The following ZC3H7A variants were observed in gnomAD, a reference collection of about 807,000 sequenced individuals.
ZC3H7A encodes the protein zinc finger CCCH-type containing 7A, also known as zinc finger CCCH domain-containing protein 7A.
A neutral mutation model predicts 125.5 loss-of-function variants in ZC3H7A; 44 were observed. The ratio of observed to expected loss-of-function variants is 0.35; its 90% CI spans 0.28 to 0.45. The LOEUF (loss-of-function observed/expected upper bound fraction) is 0.45, where lower values mean the gene tolerates loss of function less well. ZC3H7A is among the 20% of genes least tolerant of loss of function. The pLI is 1.00. For missense variants in ZC3H7A, 977 were observed against 1,170.7 expected (o/e 0.83, Z 2.41); for synonymous variants, 399 against 391.2 (o/e 1.02, Z -0.23).
chr16:11,771,685 G>C (rs1357063929), intron 9 of ZC3H7A, among the ~76,000 whole-genome samples: 1 of 151,788 alleles, frequency 6.6e-6, no homozygotes, highest in African/African-American at 2.4e-5. Context: ...ATTTTTAGTA[G>C]AGATGGGGTT....
Position 11,776,379 on chromosome 16 carries a change from T to C in ZC3H7A, c.547-21A>G, listed in dbSNP as rs376272601. The C allele has an allele frequency of 2.5e-5, 41 of 1,608,654 alleles. No individual in the cohort carries two copies. In the African/African-American group the frequency reaches 5.1e-4, roughly 20 times the overall value. ...GAGAGCTGAAATAAAATAAAGACAC[T>C]AATTTAAAAACAGAACTGACTCCAA... On this transcript the variant is annotated intron_variant, in intron 6 of 22. Transcript: ENST00000355758.
chr16:11,751,504 T>C lies in ZC3H7A; in HGVS notation c.2729A>G (p.Tyr910Cys), dbSNP rs2052552473. The change falls in exon 23 of 23, where the codon TAT (tyrosine) becomes TGT (cysteine). Residue 910 changes from tyrosine (Y) to cysteine (C), a missense_variant and splice_region_variant. This residue lies in a region of ZC3H7A where 436 missense variants were observed against 603.2 expected (regional missense o/e 0.72). Coordinates refer to ENST00000355758, the MANE Select transcript of ZC3H7A (RefSeq NM_014153.4). ...PTGYFSICDR[Y>C]MNGTCPEGNS... ...TCCTTCTGGGCAGGTGCCATTCATA[T>C]ACCTGTAAGGAGAAGTCAGCTGCTC... The C allele has an allele frequency of 6.2e-7, 1 of 1,613,484 alleles. No individual in the cohort carries two copies. Among genetic ancestry groups the C allele is most frequent in the Non-Finnish European group, 8.5e-7 (1 of 1,179,866 alleles).
intron 22 of ZC3H7A, 115 bp from the exon 23 acceptor site, chr16:11,751,621 A>G: frequency 3.9e-6 from 4 of 1,019,390 alleles, no homozygotes; most frequent in African/African-American, 1.6e-5. Flanking sequence ...ACTTTTAGTT[A>G]GGAATCTCAA....
At chr16:11,781,927 A>C (rs1441855887) in intron 2 of ZC3H7A, among the ~76,000 whole-genome samples, 1 of 152,110 alleles carries the variant, frequency 6.6e-6, no homozygotes, top group Non-Finnish European at 1.5e-5. Context: ...AGTCCAATTA[A>C]ACACTGAGCT....
chr16:11,769,710 C>CAAAAAAAAAAAAAAAAAAAAAAAA (rs529124830), intron 10 of ZC3H7A, among the ~76,000 whole-genome samples: 15 of 32,548 alleles, frequency 4.6e-4, no homozygotes, highest in Non-Finnish European at 6.2e-4. Context: ...GACTCTGTCT[C>CAAAAAAAAAAAAAAAAAAAAAAAA]AAAAAAAAAA....
At chr16:11,779,870 T>C (rs1299681898) in intron 3 of ZC3H7A, among the ~76,000 whole-genome samples, 1 of 100,478 alleles carries the variant, frequency 1.0e-5, no homozygotes, top group African/African-American at 6.5e-5. Flanking sequence ...TCGTTTTGTG[T>C]TTATTTATTT....
Position 11,762,702 on chromosome 16 carries a change from T to C in ZC3H7A, c.2048A>G (p.Gln683Arg). The C allele has an allele frequency of 1.1e-5, 17 of 1,614,094 alleles. No homozygotes were observed. Among genetic ancestry groups the C allele is most frequent in the Non-Finnish European group, 1.4e-5 (17 of 1,180,020 alleles). The change falls in exon 17 of 23, where the codon CAG (glutamine) becomes CGG (arginine). Residue 683 changes from glutamine (Q) to arginine (R), a missense_variant. By Grantham distance (43) the Gln-to-Arg change is conservative. This residue lies in a region of ZC3H7A where 436 missense variants were observed against 603.2 expected (regional missense o/e 0.72). Transcript: ENST00000355758. ...TCCAGGTACATTTGCTTCCAAATTC[T>C]GCCAATATCGTTTAGACTCTTGAGC... ...AIAQESKRYW[Q>R]NLEANVPGAQ...
At chr16:11,790,003 C>G (rs183663791) in intron 1 of ZC3H7A, among the ~76,000 whole-genome samples, 1 of 148,336 alleles carries the variant, frequency 6.7e-6, no homozygotes, top group Admixed American at 6.9e-5. Context: ...ATAGCTAGAA[C>G]CCGGGAGGTG....
In ZC3H7A at chr16:11,767,580, T is replaced by A; in HGVS notation, c.1361-2A>T. Reference sequence around the variant, plus strand: ...AAGTGAAATCCATTAACTTAGGGCCTGAAAAAGATGTAAAGAGGATTGCTT... The same window carrying A: ...AAGTGAAATCCATTAACTTAGGGCCAGAAAAAGATGTAAAGAGGATTGCTT... On this transcript the variant is annotated splice_acceptor_variant, in intron 12 of 22. Transcript: ENST00000355758. LOFTEE classifies it high-confidence loss of function. The A allele has an allele frequency of 6.4e-7, 1 of 1,554,172 alleles. No homozygotes were observed. The highest frequency in any genetic ancestry group is 8.7e-7 in the Non-Finnish European group (1 of 1,153,920).
At chr16:11,762,336 A>G (rs1398856648) in intron 17 of ZC3H7A, among the ~76,000 whole-genome samples, 1 of 152,184 alleles carries the variant, frequency 6.6e-6, no homozygotes, top group Non-Finnish European at 1.5e-5. Context: ...AGAGCAATGG[A>G]AAAACGAGAC....
intron 20 of ZC3H7A, among the ~76,000 whole-genome samples, chr16:11,757,096 C>A (rs2052662613): frequency 6.6e-6 from 1 of 152,142 alleles, no homozygotes; most frequent in South Asian, 2.1e-4. Context: ...GCATCCCTGG[C>A]CTCTGCCCAC....
intron 3 of ZC3H7A, among the ~76,000 whole-genome samples, chr16:11,780,313 G>C (rs955389664): frequency 6.6e-6 from 1 of 151,840 alleles, no homozygotes; most frequent in Non-Finnish European, 1.5e-5. Flanking sequence ...TAGAGACAGG[G>C]TTTCGCCATG....
chr16:11,777,548 C>A (rs143965198), intron 4 of ZC3H7A, among the ~76,000 whole-genome samples: 1 of 151,836 alleles, frequency 6.6e-6, no homozygotes, highest in Non-Finnish European at 1.5e-5. Flanking sequence ...TGGTAAAAAC[C>A]CCATCTCTAC....
At chr16:11,766,097 T>TG (rs1289703816) in intron 13 of ZC3H7A, among the ~76,000 whole-genome samples, 1 of 145,520 alleles carries the variant, frequency 6.9e-6, no homozygotes, top group East Asian at 2.1e-4. Flanking sequence ...ACACCTCAGC[T>TG]GAAAAAAAAA....
chr16:11,768,451 T>A lies in ZC3H7A; in HGVS notation c.1224A>T (p.Ser408=). The change falls in exon 12 of 23, where the codon TCA becomes TCT. Residue 408 remains serine (S), a synonymous_variant. Coordinates refer to ENST00000355758, the MANE Select transcript of ZC3H7A (RefSeq NM_014153.4). ...TTCCAAAGTCATTTCTAGGCTGACT[T>A]GAAATTCCCAGGAAATTCTCTGAAG... The part of the protein sequence containing the change: ...LFASENFLGI[S]SQPRNDFGNF... 6.5e-7 allele frequency: 1 copy of A among 1,538,098 alleles called. No homozygotes were observed. The highest frequency in any genetic ancestry group is 8.8e-7 in the Non-Finnish European group (1 of 1,132,724).
At chr16:11,756,500 T>C (rs570125682) in intron 20 of ZC3H7A, 130 bp from the exon 21 acceptor site, 10 of 1,180,304 alleles carry the variant, frequency 8.5e-6, no homozygotes, top group Middle Eastern at 3.0e-4. Context: ...GAGACTATTA[T>C]ATTAGACATG....
chr16:11,787,806 C>T (rs1596404764), intron 1 of ZC3H7A, among the ~76,000 whole-genome samples: 5 of 151,974 alleles, frequency 3.3e-5, no homozygotes, highest in Admixed American at 3.3e-4. Context: ...ATTAGCCGGG[C>T]ATGGTGGCAG....
chr16:11,793,758 A>G (rs939466062), intron 1 of ZC3H7A, among the ~76,000 whole-genome samples: 1 of 152,240 alleles, frequency 6.6e-6, no homozygotes, highest in Non-Finnish European at 1.5e-5. Context: ...CTGCAAACCC[A>G]GATGATAAGA....
chr16:11,795,678 C>T (rs987779580), intron 1 of ZC3H7A, among the ~76,000 whole-genome samples: 1 of 152,170 alleles, frequency 6.6e-6, no homozygotes, highest in Non-Finnish European at 1.5e-5. Flanking sequence ...CTCAGGTGAT[C>T]CACACACCTC....
Sources: gnomAD v4.1 joint callset for allele counts (sites outside exome capture counted in the v4.1 genomes callset) on GRCh38, gnomAD v4.1.1 for gene constraint, gnomAD v4.1.1 regional missense constraint, MANE v1.5 for transcripts, NCBI Gene and HGNC (gene_info 2026-07-23, HGNC 2026-07-21) for gene names.